FRMD4A: variants seen among roughly 807,000 people sequenced by gnomAD.
The protein encoded by FRMD4A is FERM domain-containing protein 4A.
In FRMD4A, 29 loss-of-function variants were observed where a neutral mutation model predicts 129.1. That is an observed-to-expected ratio of 0.22 (90% CI 0.17 to 0.31). The LOEUF is 0.31. FRMD4A is among the 10% of genes least tolerant of loss of function. The pLI, the probability that FRMD4A is intolerant of heterozygous loss-of-function variation, is 1.00. For synonymous variants in FRMD4A, 634 were observed against 571.6 expected (o/e 1.11, Z -1.56); for missense variants, 1,272 against 1,375.8 (o/e 0.92, Z 1.19).
Position 14,269,342 on chromosome 10 carries a change from G to A in FRMD4A, c.45+60716C>T, listed in dbSNP as rs7087104. Among the ~76,000 whole-genome samples the A allele has an allele frequency of 2.6e-3, 398 of 152,256 alleles. 1 individual carries two copies. The highest frequency in any genetic ancestry group is 0.01 in the Middle Eastern group (3 of 294). On this transcript the variant is annotated intron_variant, in intron 2 of 24. Transcript: ENST00000357447. ...GTAAAAAATTCGTACGAGTTTAGCA[G>A]CTTAAACAACCCGACCGTATTATGT... is the stretch of plus-strand genomic sequence containing the variant.
chr10:14,223,284 T>C (rs906648899), intron 2 of FRMD4A, among the ~76,000 whole-genome samples: 1 of 152,218 alleles, frequency 6.6e-6, no homozygotes, highest in Non-Finnish European at 1.5e-5. Flanking sequence ...GGAATGCCTG[T>C]TCCCTCACTG....
In FRMD4A at chr10:14,137,559, G is replaced by T. The variant is rs576050429; in HGVS notation, c.45+192499C>A. Among the ~76,000 whole-genome samples the T allele has an allele frequency of 2.0e-5, 3 of 152,260 alleles. No individual in the cohort carries two copies. The South Asian group carries it at 6.2e-4, about 32-fold the overall frequency. On this transcript the variant is annotated intron_variant, in intron 2 of 24. Coordinates refer to ENST00000357447, the MANE Select transcript of FRMD4A (RefSeq NM_018027.5). ...AATTGTTGGCTAATATGAGTGAAGT[G>T]ATTGAAGTTGAGTAGAGAAGGTAGA...
intron 2 of FRMD4A, among the ~76,000 whole-genome samples, chr10:14,303,551 G>A (rs367655649): frequency 3.3e-5 from 5 of 152,296 alleles, no homozygotes; most frequent in South Asian, 4.1e-4. Context: ...AATCCATCAC[G>A]CCTTTCTCAT....
intron 2 of FRMD4A, among the ~76,000 whole-genome samples, chr10:14,190,381 C>T (rs947307352): frequency 6.6e-6 from 1 of 152,056 alleles, no homozygotes. Context: ...GTTTTTTGTT[C>T]ATTTTTTAGA....
chr10:14,197,125 G>A (rs936170942), intron 2 of FRMD4A, among the ~76,000 whole-genome samples: 9 of 152,146 alleles, frequency 5.9e-5, no homozygotes, highest in Admixed American at 2.0e-4. Flanking sequence ...ATAAGGCTGG[G>A]ACAAGCAGCT....
chr10:14,084,547 G>C (rs1836141371), intron 2 of FRMD4A, among the ~76,000 whole-genome samples: 1 of 152,190 alleles, frequency 6.6e-6, no homozygotes, highest in South Asian at 2.1e-4. Context: ...CTGGAGGAGA[G>C]ATGTCCTTTC....
intron 2 of FRMD4A, chr10:14,326,615 G>A (rs1030630013): frequency 1.5e-5 from 6 of 389,516 alleles, no homozygotes; most frequent in Admixed American, 1.3e-4. Context: ...TCCTGAAGGT[G>A]AGCCTTTATA....
At chr10:13,797,934 T>C (rs2130830893) in intron 4 of FRMD4A, among the ~76,000 whole-genome samples, 1 of 144,370 alleles carries the variant, frequency 6.9e-6, no homozygotes, top group Non-Finnish European at 1.5e-5. Context: ...AAAAAAAAAA[T>C]CCCCCTCCAC....
intron 2 of FRMD4A, among the ~76,000 whole-genome samples, chr10:14,049,426 G>A (rs995942694): frequency 4.6e-4 from 70 of 152,138 alleles, no homozygotes; most frequent in African/African-American, 1.7e-3. Context: ...GACCAGAGGT[G>A]GACTCCGACC....
At chr10:14,009,207 C>A (rs1327412758) in intron 2 of FRMD4A, among the ~76,000 whole-genome samples, 7 of 152,198 alleles carry the variant, frequency 4.6e-5, no homozygotes, top group Non-Finnish European at 5.9e-5. Flanking sequence ...TTTTCCCCTA[C>A]CTTCCCCATC....
Position 13,660,673 on chromosome 10 carries a change from C to T in FRMD4A, c.1661-120G>A, listed in dbSNP as rs556887351. On this transcript the variant is annotated intron_variant, in intron 19 of 24. Coordinates refer to ENST00000357447, the MANE Select transcript of FRMD4A (RefSeq NM_018027.5). ...CACACAGCCAAACCCACACCTTCAC[C>T]CCTGTGATGAGAAACCCTGAAACTC... The T allele has an allele frequency of 1.1e-3, 677 of 639,268 alleles. 9 individuals carry two copies. In the South Asian group the frequency reaches 0.014, roughly 13 times the overall value. The allele number at this position is 639,268 out of a possible 1,614,324, so 39.6% of individuals were successfully genotyped here. A position where few individuals can be genotyped will look rare whatever the true frequency, so the allele number is the denominator to read the frequency against.
intron 2 of FRMD4A, among the ~76,000 whole-genome samples, chr10:14,228,825 T>G (rs902924567): frequency 6.6e-6 from 1 of 152,150 alleles, no homozygotes; most frequent in Admixed American, 6.5e-5. Context: ...AAATTACAAT[T>G]AATCCCTCAC....
intron 2 of FRMD4A, among the ~76,000 whole-genome samples, chr10:13,915,812 C>T (rs1356202701): frequency 6.6e-6 from 1 of 152,148 alleles, no homozygotes; most frequent in Non-Finnish European, 1.5e-5. Context: ...AGAGGCTGGG[C>T]ACCACCTGTG....
At chr10:14,266,090 T>C in intron 2 of FRMD4A, among the ~76,000 whole-genome samples, 1 of 144,108 alleles carries the variant, frequency 6.9e-6, no homozygotes, top group Admixed American at 7.1e-5. Flanking sequence ...ACTGAACGGG[T>C]GTGGGTTTCG....
intron 2 of FRMD4A, among the ~76,000 whole-genome samples, chr10:14,264,730 A>AACTAATTT (rs1844918250): frequency 6.6e-6 from 1 of 152,220 alleles, no homozygotes; most frequent in African/African-American, 2.4e-5. Flanking sequence ...TACAAGAAAG[A>AACTAATTT]ACTAATTTTT....
chr10:13,946,258 G>T (rs1392820947), intron 2 of FRMD4A, among the ~76,000 whole-genome samples: 1 of 152,168 alleles, frequency 6.6e-6, no homozygotes, highest in African/African-American at 2.4e-5. Flanking sequence ...TTCCCTGAAC[G>T]CAAGAATCTT....
chr10:14,005,197 G>C (rs2095657805), intron 2 of FRMD4A, among the ~76,000 whole-genome samples: 1 of 151,860 alleles, frequency 6.6e-6, no homozygotes, highest in South Asian at 2.1e-4. Context: ...TAATTTTTTT[G>C]TATTTTAGTA....
At chr10:14,094,376 A>T (rs181788314) in intron 2 of FRMD4A, among the ~76,000 whole-genome samples, 25 of 152,346 alleles carry the variant, frequency 1.6e-4, no homozygotes, top group Admixed American at 7.2e-4. Context: ...GGACGATCAC[A>T]GAACTGAAGC....
chr10:14,172,418 C>T (rs1029641421), intron 2 of FRMD4A, among the ~76,000 whole-genome samples: 4 of 152,136 alleles, frequency 2.6e-5, no homozygotes, highest in African/African-American at 9.7e-5. Context: ...ATCCATTTCT[C>T]CCCCGACTAT....
Sources: gnomAD v4.1 joint callset for allele counts (sites outside exome capture counted in the v4.1 genomes callset) on GRCh38, gnomAD v4.1.1 for gene constraint, MANE v1.5 for transcripts, NCBI Gene and HGNC (gene_info 2026-07-23, HGNC 2026-07-21) for gene names.